IGDCC3: variants seen among roughly 807,000 people sequenced by gnomAD.
The protein encoded by IGDCC3 is immunoglobulin superfamily DCC subclass member 3, also known as putative neuronal cell adhesion molecule.
Under a neutral mutation model 72.0 loss-of-function variants are expected in IGDCC3, and 47 were observed. The ratio of observed to expected loss-of-function variants is 0.65; its 90% confidence interval spans 0.52 to 0.83. The LOEUF (loss-of-function observed/expected upper bound fraction) is 0.83. Among genes scored for constraint, IGDCC3 ranks in the 40% least tolerant of loss-of-function variants. The pLI is 0.00. For missense variants in IGDCC3, 1,038 were observed against 1,091.3 expected (o/e 0.95, Z 0.69); for synonymous variants, 477 against 472.8 (o/e 1.01, Z -0.11).
intron 2 of IGDCC3, among the ~76,000 whole-genome samples, chr15:65,368,652 C>T (rs2091304465): frequency 6.6e-6 from 1 of 152,130 alleles, no homozygotes; most frequent in South Asian, 2.1e-4. Flanking sequence ...CCCAAGACCC[C>T]TGCATGGAGG....
chr15:65,331,272 T>A (rs903985787), intron 8 of IGDCC3, 58 bp from the exon 9 acceptor site: 8 of 1,593,448 alleles, frequency 5.0e-6, no homozygotes, highest in African/African-American at 4.0e-5. Flanking sequence ...CCTGCCAGCA[T>A]TGGTGAAATG....
At chr15:65,354,216 A>AT (rs1392487956) in intron 2 of IGDCC3, among the ~76,000 whole-genome samples, 1 of 151,822 alleles carries the variant, frequency 6.6e-6, no homozygotes, top group African/African-American at 2.4e-5. Context: ...TTATTCCTTT[A>AT]TTTTCTTAAT....
intron 2 of IGDCC3, among the ~76,000 whole-genome samples, chr15:65,372,326 C>T (rs2091331034): frequency 6.6e-6 from 1 of 152,102 alleles, no homozygotes; most frequent in African/African-American, 2.4e-5. Context: ...ATTTTCAGCC[C>T]CCAAACTACA....
chr15:65,332,305 T>G (rs2090985665), intron 6 of IGDCC3, among the ~76,000 whole-genome samples, 199 bp from the exon 7 acceptor site: 2 of 152,118 alleles, frequency 1.3e-5, no homozygotes. Flanking sequence ...ACCTCCCTCT[T>G]CCCTCCTCCC....
intron 2 of IGDCC3, among the ~76,000 whole-genome samples, chr15:65,371,887 T>C (rs933745638): frequency 6.6e-6 from 1 of 152,152 alleles, no homozygotes; most frequent in Admixed American, 6.5e-5. Context: ...CCAGGCCAGC[T>C]TCAGTCCACA....
chr15:65,357,684 T>A (rs553744832), intron 2 of IGDCC3, among the ~76,000 whole-genome samples: 14 of 152,354 alleles, frequency 9.2e-5, no homozygotes, highest in South Asian at 8.3e-4. Flanking sequence ...AATTTAAGTA[T>A]AACTCATTGT....
chr15:65,335,231 G>A (rs1300963206), intron 4 of IGDCC3, 60 bp downstream of exon 4: 35 of 1,550,492 alleles, frequency 2.3e-5, no homozygotes, highest in Non-Finnish European at 2.8e-5. Flanking sequence ...TTGATCTAAG[G>A]GTAGGGAGGA....
chr15:65,375,900 A>G (rs2091356087), intron 1 of IGDCC3, among the ~76,000 whole-genome samples: 3 of 152,238 alleles, frequency 2.0e-5, no homozygotes, highest in African/African-American at 2.4e-5. Context: ...AGCTTGGGTC[A>G]TAGGGTTGTA....
Position 65,377,844 on chromosome 15 carries a change from C to T in IGDCC3, c.-56G>A, listed in dbSNP as rs2091369492. The T allele has an allele frequency of 2.7e-6, 3 of 1,120,746 alleles. No homozygotes were observed. The highest frequency in any genetic ancestry group is 3.3e-6 in the Non-Finnish European group (3 of 917,788). The allele number at this position is 1,120,746 out of a possible 1,614,324, so 69.4% of individuals were successfully genotyped here. Reference sequence around the variant, plus strand: ...CGCGGCTCCCGGGCCTCTCGCGGCTCACAGCGTCCCGCGGGGCCGGCGCCG... The same window carrying T: ...CGCGGCTCCCGGGCCTCTCGCGGCTTACAGCGTCCCGCGGGGCCGGCGCCG... On this transcript the variant is annotated 5_prime_UTR_variant, in exon 1 of 14. An upstream open reading frame in the 5' UTR loses its in-frame stop. Coordinates refer to ENST00000327987, the MANE Select transcript of IGDCC3 (RefSeq NM_004884.4). This position sits in a 1 kb window ranked among gnomAD's most constrained non-coding sequence, Gnocchi z 4.9.
chr15:65,335,391 C>A lies in IGDCC3; in HGVS notation c.585G>T (p.Gln195His). The change falls in exon 4 of 14, where the codon CAG becomes CAT. Residue 195 changes from glutamine to histidine, a missense_variant. Gln to His is a conservative substitution (Grantham distance 24). Transcript: ENST00000327987. ...RYTLLPKGVL[Q>H]ITGLRAEDGG... ...CGTCCTCAGCTCGAAGTCCTGTGATCTGCAGGACCCCCTTGGGCAGCAATG... is the reference window on the plus strand; with the variant it reads ...CGTCCTCAGCTCGAAGTCCTGTGATATGCAGGACCCCCTTGGGCAGCAATG... 6.2e-7 allele frequency: 1 copy of A among 1,613,520 alleles called. No individual in the cohort carries two copies. The highest frequency in any genetic ancestry group is 1.1e-5 in the South Asian group (1 of 91,022).
chr15:65,370,451 T>C (rs1011082204), intron 2 of IGDCC3, among the ~76,000 whole-genome samples: 2 of 149,396 alleles, frequency 1.3e-5, no homozygotes, highest in African/African-American at 2.5e-5. Context: ...GAGGCAGATG[T>C]TGCAGTGAGC....
chr15:65,363,424 G>T (rs1452485141), intron 2 of IGDCC3, among the ~76,000 whole-genome samples: 1 of 152,214 alleles, frequency 6.6e-6, no homozygotes, highest in Non-Finnish European at 1.5e-5. Context: ...CCCCAAGAGG[G>T]TGTGGTTTGG....
chr15:65,327,436 C>CATTAGTTT lies in IGDCC3; in HGVS notation c.*1472_*1473insAAACTAAT, dbSNP rs573470121. The CATTAGTTT allele has an allele frequency of 6.6e-5, 10 of 152,136 alleles. No individual in the cohort carries two copies. Among genetic ancestry groups the CATTAGTTT allele is most frequent in the Non-Finnish European group, 1.5e-4 (10 of 68,018 alleles). 9.4% of individuals were successfully genotyped at this position (152,136 alleles called of 1,614,324 possible). A position where few individuals can be genotyped will look rare whatever the true frequency, so the allele number is the denominator to read the frequency against. Reference sequence around the variant, plus strand: ...CTTCTTCAGCTAATTAACTAAAGTTCAGGGTGGAGGTGTCCCTAGAGGATT... The same window carrying CATTAGTTT: ...CTTCTTCAGCTAATTAACTAAAGTTCATTAGTTTAGGGTGGAGGTGTCCCTAGAGGATT... On this transcript the variant is annotated 3_prime_UTR_variant, in exon 14 of 14. Coordinates refer to ENST00000327987, the MANE Select transcript of IGDCC3 (RefSeq NM_004884.4).
chr15:65,334,922 C>T (rs2091013645), intron 4 of IGDCC3, 57 bp from the exon 5 acceptor site: 1 of 1,559,184 alleles, frequency 6.4e-7, no homozygotes, highest in South Asian at 1.2e-5. Flanking sequence ...CGCTTCCTCA[C>T]CCCACCCACA....
intron 2 of IGDCC3, among the ~76,000 whole-genome samples, chr15:65,369,509 G>T (rs1447426918): frequency 1.3e-5 from 2 of 152,158 alleles, no homozygotes; most frequent in African/African-American, 4.8e-5. Context: ...GCTGGGTACA[G>T]GTGAGGCCCT....
chr15:65,369,875 G>T (rs1171569291), intron 2 of IGDCC3, among the ~76,000 whole-genome samples: 2 of 152,022 alleles, frequency 1.3e-5, no homozygotes, highest in Non-Finnish European at 2.9e-5. Flanking sequence ...ACTCCAACCT[G>T]GTTCCACAGA....
At chr15:65,361,700 AC>A in intron 2 of IGDCC3, among the ~76,000 whole-genome samples, 1 of 44,704 alleles carries the variant, frequency 2.2e-5, no homozygotes, top group Non-Finnish European at 4.3e-5. Context: ...GCACACTCGC[AC>A]ACTCATTCAC....
intron 2 of IGDCC3, among the ~76,000 whole-genome samples, chr15:65,337,895 G>A (rs2091045453): frequency 6.6e-6 from 1 of 152,228 alleles, no homozygotes; most frequent in South Asian, 2.1e-4. Flanking sequence ...TGGCTCTGCT[G>A]ACTACAGATG....
chr15:65,350,787 T>C (rs2091167624), intron 2 of IGDCC3, among the ~76,000 whole-genome samples: 1 of 152,234 alleles, frequency 6.6e-6, no homozygotes, highest in South Asian at 2.1e-4. Flanking sequence ...TCTGCACTTC[T>C]GCCTGGTGTG....
Sources: allele counts gnomAD v4.1 joint callset (sites outside exome capture counted in the v4.1 genomes callset), GRCh38; gene constraint gnomAD v4.1.1; non-coding constraint Gnocchi (gnomAD v3.1); transcripts MANE v1.5; gene names NCBI Gene and HGNC (gene_info 2026-07-23, HGNC 2026-07-21).